Variants in PALM2AKAP2 observed in about 807,000 individuals in gnomAD.
The protein encoded by PALM2AKAP2 is PALM2-AKAP2 fusion protein.
A neutral mutation model predicts 71.5 loss-of-function variants in PALM2AKAP2; 37 were observed. The ratio of observed to expected loss-of-function variants is 0.52; its 90% confidence interval spans 0.40 to 0.68. PALM2AKAP2 has a LOEUF of 0.68. Among genes scored for constraint, PALM2AKAP2 ranks in the 30% least tolerant of loss-of-function variants. The probability of loss-of-function intolerance (pLI) is 0.00; values close to 1 mark genes in which losing one functional copy is unlikely to be tolerated. For missense variants in PALM2AKAP2, 1,224 were observed against 1,191.8 expected (o/e 1.03, Z -0.40); for synonymous variants, 468 against 478.8 (o/e 0.98, Z 0.29).
Position 109,961,404 on chromosome 9 carries a change from CA to C in PALM2AKAP2, c.496+29377del, listed in dbSNP as rs569324537. ...AACACATGGTATGGGGTAGATATTT[CA>C]TGATGTTGTAGCTGGGATCATGGAG... On this transcript the variant is annotated intron_variant, in intron 6 of 9. Coordinates refer to the PALM2AKAP2 transcript ENST00000302798. Among the ~76,000 whole-genome samples, 34 of 152,304 alleles carry C rather than the reference CA, an allele frequency of 2.2e-4. No individual in the cohort carries two copies. In the South Asian group the frequency reaches 7.0e-3, roughly 32 times the overall value.
At chr9:109,925,035 G>T in intron 4 of PALM2AKAP2, 26 bp from the exon 5 acceptor site, 1 of 1,614,088 alleles carries the variant, frequency 6.2e-7, no homozygotes, top group East Asian at 2.2e-5. Context: ...GTAGAGTAAC[G>T]CTCTGCCTTG....
At chr9:110,063,293 A>T (rs1834003524) in intron 1 of PALM2AKAP2, among the ~76,000 whole-genome samples, 1 of 152,158 alleles carries the variant, frequency 6.6e-6, no homozygotes, top group South Asian at 2.1e-4. Context: ...AGGCTAGAAG[A>T]CCAAGATCCA....
At chr9:109,894,746 A>T (rs933466619) in intron 3 of PALM2AKAP2, among the ~76,000 whole-genome samples, 7 of 152,304 alleles carry the variant, frequency 4.6e-5, no homozygotes, top group African/African-American at 1.7e-4. Flanking sequence ...CCAAATGGCA[A>T]AGATGACTAT....
intron 1 of PALM2AKAP2, among the ~76,000 whole-genome samples, chr9:109,862,574 A>G (rs572404795): frequency 5.3e-5 from 8 of 152,218 alleles, no homozygotes; most frequent in Non-Finnish European, 1.2e-4. Flanking sequence ...TCACTTAGCT[A>G]TCCCTTGGAT....
chr9:109,679,380 T>C (rs1827692608), intron 1 of PALM2AKAP2, among the ~76,000 whole-genome samples: 1 of 152,134 alleles, frequency 6.6e-6, no homozygotes. Flanking sequence ...CAGATGACTT[T>C]GTTCTCTTCT....
chr9:109,911,842 C>T (rs554279952), intron 3 of PALM2AKAP2, among the ~76,000 whole-genome samples: 1 of 130,934 alleles, frequency 7.6e-6, no homozygotes, highest in Non-Finnish European at 1.6e-5. Context: ...TAAGCCTGCA[C>T]TTGGGAGAAG....
At chr9:109,944,665 G>A (rs1831460954) in intron 6 of PALM2AKAP2, 1 of 152,104 alleles carries the variant, frequency 6.6e-6, no homozygotes, top group Non-Finnish European at 1.5e-5. Flanking sequence ...ACATAGCTGA[G>A]CTTCTTAGGG....
chr9:109,779,433 G>GGATAAT (rs142660687), upstream of PALM2AKAP2, among the ~76,000 whole-genome samples: 3,727 of 152,258 alleles, frequency 0.024, 160 homozygotes, highest in African/African-American at 0.085. Context: ...GAATGTCACA[G>GGATAAT]GATAATAAGA....
At chr9:109,961,582 G>A (rs918609864) in intron 6 of PALM2AKAP2, among the ~76,000 whole-genome samples, 1 of 152,218 alleles carries the variant, frequency 6.6e-6, no homozygotes, top group African/African-American at 2.4e-5. Context: ...CTAATTTTCA[G>A]TAATGTTCAG....
chr9:109,913,860 C>T (rs1226316621), intron 3 of PALM2AKAP2, among the ~76,000 whole-genome samples: 2 of 150,704 alleles, frequency 1.3e-5, no homozygotes, highest in Non-Finnish European at 2.9e-5. Flanking sequence ...GGGTTCATGC[C>T]ATTCTCCTGC....
intron 1 of PALM2AKAP2, among the ~76,000 whole-genome samples, chr9:109,672,036 A>G (rs544889575): frequency 6.6e-6 from 1 of 152,304 alleles, no homozygotes; most frequent in East Asian, 1.9e-4. Context: ...CTATAGGATC[A>G]TGTTGTCTGC....
At chr9:109,848,007 C>T (rs1828910480) in intron 1 of PALM2AKAP2, among the ~76,000 whole-genome samples, 2 of 152,312 alleles carry the variant, frequency 1.3e-5, no homozygotes, top group East Asian at 1.9e-4. Flanking sequence ...TTTCCCCCAC[C>T]CATTGGCTTA....
In PALM2AKAP2 at chr9:109,971,283, C is replaced by T. The variant is rs1012633251; in HGVS notation, c.496+39255C>T. 2.9e-3 allele frequency among the ~76,000 whole-genome samples: 134 copies of T among 45,682 alleles called. 3 individuals carry two copies. In the East Asian group the frequency reaches 0.031, roughly 11 times the overall value. The allele number at this position is 45,682 out of a possible 152,430, so 30.0% of individuals were successfully genotyped here. On this transcript the variant is annotated intron_variant, in intron 6 of 9. Transcript: ENST00000302798. ...TCCATGTTTATCCCACTCTTAGTCC[C>T]TTTTTTTTTTTTTTTTTTTTTTTTT...
chr9:109,691,823 C>G (rs10759359), intron 1 of PALM2AKAP2, among the ~76,000 whole-genome samples: 3 of 99,888 alleles, frequency 3.0e-5, no homozygotes, highest in Non-Finnish European at 5.9e-5. Context: ...ATTTTCCAAT[C>G]CAGAAAGACG....
intron 2 of PALM2AKAP2, among the ~76,000 whole-genome samples, chr9:110,144,707 T>G (rs1836120171): frequency 6.6e-6 from 1 of 152,228 alleles, no homozygotes; most frequent in Admixed American, 6.5e-5. Context: ...AAGAATTAGT[T>G]ACATTAAGTG....
intron 4 of PALM2AKAP2, among the ~76,000 whole-genome samples, chr9:109,924,323 T>C (rs183446848): frequency 1.3e-4 from 20 of 152,206 alleles, no homozygotes; most frequent in Admixed American, 1.3e-3. Flanking sequence ...TTACTGTATA[T>C]AGAAACAGAT....
rs761797012 is a variant in PALM2AKAP2, at chr9:109,880,535, TC to T, written c.127-13del. 3 of 1,611,962 alleles carry T rather than the reference TC, an allele frequency of 1.9e-6. No homozygotes were observed. Among genetic ancestry groups the T allele is most frequent in the Non-Finnish European group, 2.5e-6 (3 of 1,179,692 alleles). On this transcript the variant is annotated splice_polypyrimidine_tract_variant and intron_variant, in intron 2 of 9. Coordinates refer to the PALM2AKAP2 transcript ENST00000302798. ...AAAAGTATCATCTTGTCTGTTGTCT[TC>T]CCTCACTTCCACAGTCCAAAGTGCT...
intron 1 of PALM2AKAP2, among the ~76,000 whole-genome samples, chr9:109,645,770 G>A (rs139605812): frequency 0.016 from 2,464 of 152,104 alleles, 67 homozygotes; most frequent in African/African-American, 0.051. Context: ...GGGTGGGAAG[G>A]CACAAGGGTT....
At chr9:109,784,231 T>G (rs1277301463) in intron 1 of PALM2AKAP2, among the ~76,000 whole-genome samples, 1 of 152,196 alleles carries the variant, frequency 6.6e-6, no homozygotes, top group African/African-American at 2.4e-5. Context: ...ATACTTTTTG[T>G]TTTTCACCTA....
Sources: allele counts gnomAD v4.1 joint callset (sites outside exome capture counted in the v4.1 genomes callset), GRCh38; gene constraint gnomAD v4.1.1; transcripts MANE v1.5; gene names NCBI Gene and HGNC (gene_info 2026-07-23, HGNC 2026-07-21).